PDGFD: variants seen among roughly 807,000 people sequenced by gnomAD.
The protein encoded by PDGFD is platelet-derived growth factor D.
PDGFD carries 30 observed loss-of-function variants against 44.7 expected under a neutral mutation model. The observed-to-expected ratio is 0.67, with a 90% CI of 0.50 to 0.91. The LOEUF (loss-of-function observed/expected upper bound fraction) is 0.91, where lower values mean the gene tolerates loss of function less well. Among genes scored for constraint, PDGFD ranks in the 40% least tolerant of loss-of-function variants. The pLI, the probability that PDGFD is intolerant of heterozygous loss-of-function variation, is 0.00. For synonymous variants in PDGFD, 173 were observed against 168.4 expected (o/e 1.03, Z -0.21); for missense variants, 445 against 457.8 (o/e 0.97, Z 0.25).
rs556805149 is a variant in PDGFD at position 104,079,568 on chromosome 11, T to C, written c.125-79313A>G. Among the ~76,000 whole-genome samples, 3 of 152,122 alleles carry C rather than the reference T, an allele frequency of 2.0e-5. No homozygotes were observed. The South Asian group carries it at 6.2e-4, about 32-fold the overall frequency. ...ACGCTCAGCTAATTTTTTGTATTTTTAGTAGAGATGGGGTTTCACTATGTT... is the reference window on the plus strand; with the variant it reads ...ACGCTCAGCTAATTTTTTGTATTTTCAGTAGAGATGGGGTTTCACTATGTT... On this transcript the variant is annotated intron_variant, in intron 1 of 6. Transcript: ENST00000393158.
chr11:104,050,271 G>A (rs368540926), intron 1 of PDGFD, among the ~76,000 whole-genome samples: 8 of 152,100 alleles, frequency 5.3e-5, no homozygotes, highest in Admixed American at 1.3e-4. Flanking sequence ...CAAGACTGAC[G>A]GTGTGAAGAC....
Position 104,114,342 on chromosome 11 carries a change from A to T in PDGFD, c.124+49462T>A, listed in dbSNP as rs186398172. On this transcript the variant is annotated intron_variant, in intron 1 of 6. Coordinates refer to ENST00000393158, the MANE Select transcript of PDGFD (RefSeq NM_025208.5). ...ATGCCTACTTGTTCTAGCACCATGT[A>T]TAGAAAAGACTCTCTTCTCTCCATT... Among the ~76,000 whole-genome samples, 6 of 152,082 alleles carry T rather than the reference A, an allele frequency of 3.9e-5. No individual in the cohort carries two copies. The East Asian group carries it at 1.2e-3, about 29-fold the overall frequency.
chr11:104,040,419 G>A lies in PDGFD; in HGVS notation c.125-40164C>T, dbSNP rs904604261. Among the ~76,000 whole-genome samples the A allele has an allele frequency of 5.3e-5, 8 of 151,868 alleles. No homozygotes were observed. In the East Asian group the frequency reaches 5.8e-4, roughly 11 times the overall value. ...CTTTATTGATTAACTTTTAAAAATC[G>A]TCTTTCAAATTGAAAAGTGTTTGAA... is the stretch of plus-strand genomic sequence containing the variant. On this transcript the variant is annotated intron_variant, in intron 1 of 6. Transcript: ENST00000393158.
At chr11:104,085,430 G>T (rs1861116228) in intron 1 of PDGFD, among the ~76,000 whole-genome samples, 2 of 152,144 alleles carry the variant, frequency 1.3e-5, no homozygotes, top group African/African-American at 2.4e-5. Context: ...TCCCAGGTAT[G>T]AATGTACCAG....
intron 1 of PDGFD, among the ~76,000 whole-genome samples, chr11:104,066,747 C>A (rs747092800): frequency 4.6e-5 from 7 of 152,060 alleles, no homozygotes; most frequent in Non-Finnish European, 7.4e-5. Flanking sequence ...AAACTCTTGG[C>A]CCTATTGGCA....
rs182838226 is a variant in PDGFD at position 104,129,381 on chromosome 11, T to G, written c.124+34423A>C. Among the ~76,000 whole-genome samples, 357 of 152,116 alleles carry G rather than the reference T, an allele frequency of 2.3e-3. 1 individual carries two copies. The highest frequency in any genetic ancestry group is 8.2e-3 in the African/African-American group (341 of 41,480). Reference sequence around the variant, plus strand: ...ATTTAACAGCACTTCTTGTCAACTTTCCCTTAACCTGCAACGTTTCCTCCT... The same window carrying G: ...ATTTAACAGCACTTCTTGTCAACTTGCCCTTAACCTGCAACGTTTCCTCCT... On this transcript the variant is annotated intron_variant, in intron 1 of 6. Transcript: ENST00000393158.
chr11:104,038,232 G>A, intron 1 of PDGFD: 1 of 539,628 alleles, frequency 1.9e-6, no homozygotes, highest in Non-Finnish European at 3.3e-6. Flanking sequence ...AGGCATCCTG[G>A]GAAGGCTCTG....
intron 1 of PDGFD, among the ~76,000 whole-genome samples, chr11:104,077,466 G>A (rs1317295132): frequency 6.6e-6 from 1 of 152,136 alleles, no homozygotes; most frequent in Non-Finnish European, 1.5e-5. Context: ...AAGAACAGCA[G>A]GATAAGTGGG....
At chr11:104,047,056 C>A (rs962597045) in intron 1 of PDGFD, among the ~76,000 whole-genome samples, 2 of 146,938 alleles carry the variant, frequency 1.4e-5, no homozygotes, top group African/African-American at 5.0e-5. Context: ...CATGTCCCTG[C>A]AGAGGACATG....
chr11:103,940,185 A>T (rs1206785912), intron 5 of PDGFD, among the ~76,000 whole-genome samples: 2 of 152,084 alleles, frequency 1.3e-5, no homozygotes, highest in African/African-American at 4.8e-5. Flanking sequence ...AAGAAGCAAA[A>T]CACATCATTT....
intron 1 of PDGFD, among the ~76,000 whole-genome samples, chr11:104,150,583 A>C (rs1156301252): frequency 6.6e-6 from 1 of 152,130 alleles, no homozygotes; most frequent in Non-Finnish European, 1.5e-5. Context: ...TCTGAACTCA[A>C]TTTCAATGGA....
chr11:104,087,610 A>C (rs573964757), intron 1 of PDGFD, among the ~76,000 whole-genome samples: 18 of 152,322 alleles, frequency 1.2e-4, no homozygotes, highest in African/African-American at 4.1e-4. Context: ...CAAAATCTAA[A>C]GTCAAGCGAA....
chr11:103,953,097 T>C (rs895373507), intron 3 of PDGFD, among the ~76,000 whole-genome samples: 1 of 152,120 alleles, frequency 6.6e-6, no homozygotes, highest in Admixed American at 6.6e-5. Flanking sequence ...GCATAAATGC[T>C]AAAGTCAGAA....
At chr11:104,025,783 A>C (rs1357549021) in intron 1 of PDGFD, among the ~76,000 whole-genome samples, 1 of 152,194 alleles carries the variant, frequency 6.6e-6, no homozygotes, top group African/African-American at 2.4e-5. Flanking sequence ...TCTGCTTCAA[A>C]AGAACAAGCA....
intron 1 of PDGFD, among the ~76,000 whole-genome samples, chr11:104,016,282 T>C (rs1161894028): frequency 6.6e-6 from 1 of 152,248 alleles, no homozygotes; most frequent in Non-Finnish European, 1.5e-5. Flanking sequence ...CTGAATGTGT[T>C]GGCTGCTCTC....
chr11:104,036,893 A>C, intron 1 of PDGFD: 1 of 1,613,986 alleles, frequency 6.2e-7, no homozygotes, highest in Non-Finnish European at 8.5e-7. Flanking sequence ...GTCAGCCCCG[A>C]CTTTGAGCTC....
chr11:104,140,812 T>C (rs946611514), intron 1 of PDGFD, among the ~76,000 whole-genome samples: 1 of 152,246 alleles, frequency 6.6e-6, no homozygotes, highest in African/African-American at 2.4e-5. Flanking sequence ...ATTTAGACTT[T>C]TCTTCATTAG....
intron 1 of PDGFD, among the ~76,000 whole-genome samples, chr11:104,144,559 GC>G (rs1309180962): frequency 7.6e-6 from 1 of 131,060 alleles, no homozygotes; most frequent in Non-Finnish European, 1.6e-5. Context: ...AAACAAAAAG[GC>G]CAAACTGAAC....
At chr11:104,041,428 C>G (rs1440963120) in intron 1 of PDGFD, among the ~76,000 whole-genome samples, 1 of 152,066 alleles carries the variant, frequency 6.6e-6, no homozygotes, top group Non-Finnish European at 1.5e-5. Context: ...AAATCCTCCT[C>G]TTAAATTTCA....
Sources: gnomAD v4.1 joint callset for allele counts (sites outside exome capture counted in the v4.1 genomes callset) on GRCh38, gnomAD v4.1.1 for gene constraint, MANE v1.5 for transcripts, NCBI Gene and HGNC (gene_info 2026-07-23, HGNC 2026-07-21) for gene names.